The following ROCK1 variants were observed in gnomAD, a reference collection of about 807,000 sequenced individuals.
ROCK1 encodes Rho associated coiled-coil containing protein kinase 1.
In ROCK1, 36 loss-of-function variants were observed where a neutral mutation model predicts 196.8. The observed-to-expected ratio is 0.18, with a 90% confidence interval of 0.14 to 0.24. ROCK1 has a LOEUF of 0.24. Among genes scored for constraint, ROCK1 ranks in the 10% least tolerant of loss-of-function variants. The probability of loss-of-function intolerance (pLI) is 1.00; values close to 1 mark genes in which losing one functional copy is unlikely to be tolerated. For missense variants in ROCK1, 920 were observed against 1,562.0 expected, an observed-to-expected ratio of 0.59 and a Z score of 6.93; for synonymous variants, 443 against 515.9, an observed-to-expected ratio of 0.86 and a Z score of 1.91.
chr18:20,989,310 CAA>C (rs1477895366), intron 18 of ROCK1, among the ~76,000 whole-genome samples: 1 of 152,104 alleles, frequency 6.6e-6, no homozygotes, highest in Non-Finnish European at 1.5e-5. Context: ...TGTCTGATTC[CAA>C]AGCCTTAGCT....
chr18:21,028,274 G>A (rs1052440287), intron 10 of ROCK1, among the ~76,000 whole-genome samples: 1 of 151,482 alleles, frequency 6.6e-6, no homozygotes. Flanking sequence ...AAATTAGCTG[G>A]GTGTGGTGGC....
chr18:21,027,477 A>G (rs1339907551), intron 10 of ROCK1, among the ~76,000 whole-genome samples: 1 of 152,218 alleles, frequency 6.6e-6, no homozygotes, highest in African/African-American at 2.4e-5. Context: ...ATTAGAGTAA[A>G]GCTAACATGA....
chr18:20,969,169 T>C lies in ROCK1; in HGVS notation c.2860A>G (p.Ile954Val), dbSNP rs1598511800. ...AGCTCTTCATTCTCTCTTCTTAATATTTCAATATCTTTGGTTAGCATGCTG... is the reference window on the plus strand; with the variant it reads ...AGCTCTTCATTCTCTCTTCTTAATACTTCAATATCTTTGGTTAGCATGCTG... The part of the protein sequence containing the change: ...ANSMLTKDIE[I>V]LRRENEELTE... The change falls in exon 24 of 33, where the codon ATA becomes GTA. Residue 954 changes from isoleucine to valine, a missense_variant. By Grantham distance (29) the Ile-to-Val change is conservative. Transcript: ENST00000399799. 1.2e-6 allele frequency: 2 copies of C among 1,604,346 alleles called. No homozygotes were observed. Among genetic ancestry groups the C allele is most frequent in the South Asian group, 2.2e-5 (2 of 90,986 alleles).
At chr18:21,097,569 G>C (rs1261120266) in intron 1 of ROCK1, among the ~76,000 whole-genome samples, 3 of 152,108 alleles carry the variant, frequency 2.0e-5, no homozygotes, top group South Asian at 2.1e-4. Context: ...AAAAAAGTTA[G>C]GTAACTTGTC....
Position 21,020,140 on chromosome 18 carries a change from T to C in ROCK1, c.1361+11A>G. 6.5e-7 allele frequency: 1 copy of C among 1,542,330 alleles called. No individual in the cohort carries two copies. The highest frequency in any genetic ancestry group is 1.4e-5 in the African/African-American group (1 of 73,112). On this transcript the variant is annotated intron_variant, in intron 12 of 32. Transcript: ENST00000399799. ...AACTTTTAATATGAAAAACTTAAAG[T>C]ATATTCTCACCTGCACTTCTGCTCC... is the stretch of plus-strand genomic sequence containing the variant.
intron 2 of ROCK1, among the ~76,000 whole-genome samples, chr18:21,063,001 G>GT (rs1199083526): frequency 6.6e-6 from 1 of 152,122 alleles, no homozygotes; most frequent in Non-Finnish European, 1.5e-5. Context: ...GTCTTAGTCT[G>GT]TTTTTTGCTG....
chr18:21,083,813 G>C (rs1319527288), intron 1 of ROCK1, among the ~76,000 whole-genome samples: 1 of 152,138 alleles, frequency 6.6e-6, no homozygotes, highest in South Asian at 2.1e-4. Context: ...GTCAACAGCA[G>C]GCTATTAGTA....
rs117960414 is a variant in ROCK1 at position 21,035,619 on chromosome 18, G to A, written c.1051+3853C>T. ...ACATTAATATGGATATAAAATATCC[G>A]TAATATAATATGGAAAGCAGATATT... On this transcript the variant is annotated intron_variant, in intron 9 of 32. Coordinates refer to ENST00000399799, the MANE Select transcript of ROCK1 (RefSeq NM_005406.3). Among the ~76,000 whole-genome samples, 88 of 152,252 alleles carry A rather than the reference G, an allele frequency of 5.8e-4. No individual in the cohort carries two copies. The East Asian group carries it at 0.013, about 22-fold the overall frequency.
At chr18:20,980,488 T>C (rs924737007) in intron 21 of ROCK1, among the ~76,000 whole-genome samples, 8 of 151,750 alleles carry the variant, frequency 5.3e-5, no homozygotes, top group African/African-American at 1.9e-4. Flanking sequence ...AAATGTAGAG[T>C]GAAGGGCCAT....
intron 1 of ROCK1, among the ~76,000 whole-genome samples, chr18:21,074,053 G>C (rs145002251): frequency 6.6e-6 from 1 of 152,204 alleles, no homozygotes; most frequent in Non-Finnish European, 1.5e-5. Flanking sequence ...AGCTACTTGA[G>C]AGGCTGAGGC....
intron 16 of ROCK1, 58 bp from the exon 17 acceptor site, chr18:20,992,995 G>A (rs2035639574): frequency 1.1e-5 from 11 of 1,000,020 alleles, no homozygotes; most frequent in South Asian, 3.0e-5. Flanking sequence ...TTTTTGTTCA[G>A]TATTGACAAT....
rs929113740 is a variant in ROCK1 at position 20,949,656 on chromosome 18, C to G, written c.*1728G>C. On this transcript the variant is annotated 3_prime_UTR_variant, in exon 33 of 33. Transcript: ENST00000399799. Reference sequence around the variant, plus strand: ...CCCTGATGTGTAGAAATGCAAGAGACCCATGGAGAATTGTTTTCCAACACA... The same window carrying G: ...CCCTGATGTGTAGAAATGCAAGAGAGCCATGGAGAATTGTTTTCCAACACA... 3 of 152,260 alleles carry G rather than the reference C, an allele frequency of 2.0e-5. No individual in the cohort carries two copies. The highest frequency in any genetic ancestry group is 7.2e-5 in the African/African-American group (3 of 41,462). 9.4% of individuals were successfully genotyped at this position (152,260 alleles called of 1,614,324 possible).
chr18:21,060,871 A>G (rs1255705629), intron 2 of ROCK1, among the ~76,000 whole-genome samples: 2 of 150,716 alleles, frequency 1.3e-5, no homozygotes, highest in South Asian at 2.1e-4. Flanking sequence ...ACCTAAATTC[A>G]TGCAAAAACT....
At chr18:21,069,408 T>C (rs1376669415) in intron 2 of ROCK1, among the ~76,000 whole-genome samples, 1 of 152,074 alleles carries the variant, frequency 6.6e-6, no homozygotes, top group African/African-American at 2.4e-5. Context: ...ATTGTACAGG[T>C]TTACCAGTTA....
intron 9 of ROCK1, among the ~76,000 whole-genome samples, chr18:21,036,802 T>C (rs2036061451): frequency 6.6e-6 from 1 of 152,262 alleles, no homozygotes; most frequent in East Asian, 1.9e-4. Context: ...ATATGTTAAA[T>C]ATGTGGTAAC....
chr18:21,049,959 T>C, intron 2 of ROCK1, 79 bp from the exon 3 acceptor site: 1 of 652,922 alleles, frequency 1.5e-6, no homozygotes, highest in Non-Finnish European at 2.5e-6. Context: ...TTCGAGTTCT[T>C]AAGAAACACA....
chr18:21,051,344 C>T (rs1204224276), intron 2 of ROCK1, among the ~76,000 whole-genome samples: 1 of 152,152 alleles, frequency 6.6e-6, no homozygotes, highest in Non-Finnish European at 1.5e-5. Context: ...GTCCCAGCTA[C>T]TCAGGAGGCT....
At chr18:21,022,610 C>G (rs1483845581) in intron 11 of ROCK1, among the ~76,000 whole-genome samples, 2 of 152,124 alleles carry the variant, frequency 1.3e-5, no homozygotes, top group African/African-American at 2.4e-5. Flanking sequence ...ACCCTTTGTG[C>G]TTTACTGTGG....
intron 27 of ROCK1, among the ~76,000 whole-genome samples, chr18:20,963,231 G>A (rs1049279779): frequency 2.0e-5 from 3 of 151,910 alleles, no homozygotes; most frequent in Admixed American, 6.6e-5. Context: ...CAATATCAGC[G>A]ATTTCTTTAC....
Sources: gnomAD v4.1 joint callset for allele counts (sites outside exome capture counted in the v4.1 genomes callset) on GRCh38, gnomAD v4.1.1 for gene constraint, MANE v1.5 for transcripts, NCBI Gene and HGNC (gene_info 2026-07-23, HGNC 2026-07-21) for gene names.